REEP5: variants seen among roughly 807,000 people sequenced by gnomAD.
The protein encoded by REEP5 is receptor expression-enhancing protein 5.
In REEP5, 24 loss-of-function variants were observed where a neutral mutation model predicts 22.4. The ratio of observed to expected loss-of-function variants is 1.07; its 90% CI spans 0.78 to 1.51. The LOEUF is 1.51. Ranked by LOEUF, REEP5 falls within the 40% of genes most tolerant of loss-of-function variation. REEP5 has a pLI of 0.00. For synonymous variants in REEP5, 103 were observed against 88.6 expected (o/e 1.16, Z -0.92); for missense variants, 252 against 233.0 (o/e 1.08, Z -0.53).
At chr5:112,891,659 T>C (rs750067915) in intron 3 of REEP5, 6 of 1,611,342 alleles carry the variant, frequency 3.7e-6, no homozygotes, top group South Asian at 1.1e-5. Flanking sequence ...CTTGAGAAGA[T>C]GACGTTTCCC....
At chr5:112,886,661 A>C (rs1474667029) in intron 4 of REEP5, among the ~76,000 whole-genome samples, 1 of 152,232 alleles carries the variant, frequency 6.6e-6, no homozygotes, top group African/African-American at 2.4e-5. Flanking sequence ...CCATTTATTT[A>C]AAACTACCTA....
intron 2 of REEP5, among the ~76,000 whole-genome samples, chr5:112,903,295 G>T (rs1167027341): frequency 6.6e-6 from 1 of 152,106 alleles, no homozygotes; most frequent in Non-Finnish European, 1.5e-5. Flanking sequence ...AACTGAGCTG[G>T]ACTGAAACAG....
chr5:112,916,799 C>T (rs544701355), intron 2 of REEP5, among the ~76,000 whole-genome samples: 73 of 152,276 alleles, frequency 4.8e-4, no homozygotes, highest in South Asian at 4.8e-3. Context: ...AGTTGTGAGA[C>T]CTTGATCAAG....
chr5:112,900,159 G>T (rs1002454342), intron 3 of REEP5, among the ~76,000 whole-genome samples: 2 of 152,052 alleles, frequency 1.3e-5, no homozygotes, highest in African/African-American at 4.8e-5. Context: ...TCTCTTCCGT[G>T]AAATACTTAA....
chr5:112,877,838 TAA>T lies in REEP5; in HGVS notation c.*946_*947del, dbSNP rs1767944057. 2 of 152,210 alleles carry T rather than the reference TAA, an allele frequency of 1.3e-5. No individual in the cohort carries two copies. Among genetic ancestry groups the T allele is most frequent in the Non-Finnish European group, 2.9e-5 (2 of 68,030 alleles). 9.4% of individuals were successfully genotyped at this position (152,210 alleles called of 1,614,324 possible). ...AAAAAAGAAGATTGGGAAAGAAGAC[TAA>T]ATCAACATGTTTCTCCGCTTTGAAG... On this transcript the variant is annotated 3_prime_UTR_variant, in exon 5 of 5. Coordinates refer to ENST00000379638, the MANE Select transcript of REEP5 (RefSeq NM_005669.5).
At chr5:112,898,093 C>T (rs1200464730) in intron 3 of REEP5, 1 of 152,120 alleles carries the variant, frequency 6.6e-6, no homozygotes, top group Non-Finnish European at 1.5e-5. Flanking sequence ...CATGTCCTTA[C>T]TTGTAAGTCT....
chr5:112,914,631 T>C (rs1561660029), intron 2 of REEP5, among the ~76,000 whole-genome samples: 1 of 152,198 alleles, frequency 6.6e-6, no homozygotes, highest in East Asian at 1.9e-4. Context: ...CTGTGTCAGA[T>C]TGGTATCATA....
chr5:112,917,899 A>G (rs1178681423), intron 2 of REEP5, among the ~76,000 whole-genome samples: 1 of 152,206 alleles, frequency 6.6e-6, no homozygotes, highest in East Asian at 1.9e-4. Flanking sequence ...GGTGATAAAA[A>G]TGTTTTGGAA....
intron 3 of REEP5, among the ~76,000 whole-genome samples, chr5:112,902,021 T>A (rs566633924): frequency 2.6e-5 from 4 of 151,050 alleles, no homozygotes; most frequent in Admixed American, 2.0e-4. Context: ...TATATATCCA[T>A]AATTAACCAG....
chr5:112,918,152 A>G (rs995688064), intron 2 of REEP5, among the ~76,000 whole-genome samples: 19 of 152,198 alleles, frequency 1.2e-4, no homozygotes, highest in African/African-American at 4.6e-4. Flanking sequence ...CGAATTGCCT[A>G]TATAAGATGG....
chr5:112,916,348 T>A (rs567346705), intron 2 of REEP5, among the ~76,000 whole-genome samples: 1 of 152,244 alleles, frequency 6.6e-6, no homozygotes, highest in Non-Finnish European at 1.5e-5. Flanking sequence ...TACTTGTCTC[T>A]TGAAACAGAA....
chr5:112,886,099 T>A (rs79561862), intron 4 of REEP5, among the ~76,000 whole-genome samples: 10,093 of 152,260 alleles, frequency 0.066, 400 homozygotes, highest in South Asian at 0.14. Context: ...CTGGTTAGTG[T>A]CTAAGGAGTG....
intron 2 of REEP5, among the ~76,000 whole-genome samples, chr5:112,909,084 G>A (rs1360690864): frequency 6.6e-6 from 1 of 151,426 alleles, no homozygotes; most frequent in African/African-American, 2.4e-5. Context: ...GGAATGGCCA[G>A]GGCTTTCCCT....
At chr5:112,890,679 A>C (rs774392742) in intron 3 of REEP5, among the ~76,000 whole-genome samples, 1 of 150,334 alleles carries the variant, frequency 6.7e-6, no homozygotes. Flanking sequence ...CACCTGGCCT[A>C]AAATCTCACT....
chr5:112,892,445 C>A, intron 3 of REEP5: 2 of 1,614,118 alleles, frequency 1.2e-6, no homozygotes, highest in South Asian at 2.2e-5. Context: ...AATTTGGAAC[C>A]TCACCTGAGG....
At position 112,917,411 on chromosome 5, in the gene REEP5, G is replaced by C. The variant is rs141050650; in HGVS notation, c.212+3752C>G. ...TGTTTGATCTTTAAGGCCCAACTCT[G>C]ATAGTCCCAGGAAGGTGGCAGCCCA... On this transcript the variant is annotated intron_variant, in intron 2 of 4. Transcript: ENST00000379638. Among the ~76,000 whole-genome samples the C allele has an allele frequency of 1.0e-3, 159 of 152,284 alleles. 1 individual carries two copies. Among genetic ancestry groups the C allele is most frequent in the South Asian group, 6.4e-3 (31 of 4,826 alleles).
At chr5:112,899,617 T>G (rs78432656) in intron 3 of REEP5, among the ~76,000 whole-genome samples, 2,166 of 152,286 alleles carry the variant, frequency 0.014, 56 homozygotes, top group African/African-American at 0.05. Context: ...TTATATACAG[T>G]TGACAACAAA....
At chr5:112,891,339 C>G (rs1247642339) in intron 3 of REEP5, among the ~76,000 whole-genome samples, 1 of 152,092 alleles carries the variant, frequency 6.6e-6, no homozygotes, top group African/African-American at 2.4e-5. Context: ...TCCTAAAGTG[C>G]TGGGATTACA....
chr5:112,913,304 C>CAGAA (rs1240537356), intron 2 of REEP5, among the ~76,000 whole-genome samples: 2 of 105,024 alleles, frequency 1.9e-5, no homozygotes, highest in South Asian at 3.1e-4. Flanking sequence ...GAAAGAAAGA[C>CAGAA]AGAAAGAAAG....
Sources: gnomAD v4.1 joint callset for allele counts (sites outside exome capture counted in the v4.1 genomes callset) on GRCh38, gnomAD v4.1.1 for gene constraint, MANE v1.5 for transcripts, NCBI Gene and HGNC (gene_info 2026-07-23, HGNC 2026-07-21) for gene names.